ATL1: variants seen among roughly 807,000 people sequenced by gnomAD.
The protein encoded by ATL1 is atlastin GTPase 1.
ATL1 carries 31 observed loss-of-function variants against 75.5 expected under a neutral mutation model. That is an observed-to-expected ratio of 0.41 (90% CI 0.31 to 0.55). ATL1 has a LOEUF of 0.55. Ranked by LOEUF, ATL1 falls within the 20% of genes least tolerant of loss-of-function variation. ATL1 has a pLI of 0.27. For synonymous variants in ATL1, 226 were observed against 233.3 expected (o/e 0.97, Z 0.28); for missense variants, 405 against 662.6 (o/e 0.61, Z 4.27).
intron 2 of ATL1, among the ~76,000 whole-genome samples, chr14:50,589,164 T>C (rs1402520167): frequency 6.7e-6 from 1 of 148,584 alleles, no homozygotes; most frequent in Non-Finnish European, 1.5e-5. Flanking sequence ...TCTTTTTTTT[T>C]TTTTTTTTTT....
At chr14:50,553,080 A>G (rs532703108) in intron 1 of ATL1, among the ~76,000 whole-genome samples, 2 of 152,202 alleles carry the variant, frequency 1.3e-5, no homozygotes, top group South Asian at 4.1e-4. Flanking sequence ...AGATTACTTG[A>G]GGTCAGGAGT....
At chr14:50,558,348 G>T (rs1478660740), upstream of ATL1, among the ~76,000 whole-genome samples, 1 of 152,224 alleles carries the variant, frequency 6.6e-6, no homozygotes, top group African/African-American at 2.4e-5. Flanking sequence ...AACAGAGGGA[G>T]ACTGTGTCTG....
At chr14:50,611,692 G>C (rs2039367896) in intron 6 of ATL1, among the ~76,000 whole-genome samples, 1 of 152,134 alleles carries the variant, frequency 6.6e-6, no homozygotes, top group Admixed American at 6.6e-5. Flanking sequence ...TTAATCATCA[G>C]GGAAATGCAT....
In ATL1 at chr14:50,628,430, A is replaced by G. The variant is rs2140239435; in HGVS notation, c.1519A>G (p.Ile507Val). The change falls in exon 12 of 14, where the codon ATA (isoleucine) becomes GTA (valine). Residue 507 changes from isoleucine to valine, a missense_variant. Physicochemically the swap from Ile to Val is conservative, Grantham distance 29. Transcript: ENST00000358385. ...AGAATACCGAGAGCTGGGAGCTGTA[A>G]TAGACCAGGTGGCTGCAGCTCTGTG... ...SGEYRELGAVIDQVAAALWDQ... is the reference protein window; with the variant it reads ...SGEYRELGAVVDQVAAALWDQ... 1 of 1,614,116 alleles carries G rather than the reference A, an allele frequency of 6.2e-7. No individual in the cohort carries two copies.
intron 1 of ATL1, among the ~76,000 whole-genome samples, chr14:50,577,633 C>G (rs2039018069): frequency 1.3e-5 from 2 of 152,024 alleles, no homozygotes; most frequent in South Asian, 4.2e-4. Flanking sequence ...CCAAAAGAAA[C>G]CTTATATCTG....
At chr14:50,558,693 T>C (rs1436414417), upstream of ATL1, among the ~76,000 whole-genome samples, 1 of 152,216 alleles carries the variant, frequency 6.6e-6, no homozygotes, top group African/African-American at 2.4e-5. Flanking sequence ...ATGGGATTCA[T>C]ATGAAAGGGA....
At chr14:50,590,461 C>T (rs748616675) in intron 2 of ATL1, among the ~76,000 whole-genome samples, 1 of 151,580 alleles carries the variant, frequency 6.6e-6, no homozygotes, top group Non-Finnish European at 1.5e-5. Context: ...TTCCTTTCTG[C>T]CTGCCTGCCT....
chr14:50,624,140 T>G (rs2039494677), intron 11 of ATL1, among the ~76,000 whole-genome samples: 1 of 152,000 alleles, frequency 6.6e-6, no homozygotes, highest in African/African-American at 2.4e-5. Context: ...GTGGCATTAT[T>G]TATAAGGACA....
intron 6 of ATL1, among the ~76,000 whole-genome samples, chr14:50,610,332 G>T (rs2039354035): frequency 6.6e-6 from 1 of 151,980 alleles, no homozygotes; most frequent in South Asian, 2.1e-4. Context: ...CATGGAAAAA[G>T]ACAGATGAAT....
intron 1 of ATL1, among the ~76,000 whole-genome samples, chr14:50,543,821 C>T (rs1315399189): frequency 6.6e-6 from 1 of 152,096 alleles, no homozygotes; most frequent in Non-Finnish European, 1.5e-5. Flanking sequence ...ACAACTTTGT[C>T]TCTATTATAT....
At chr14:50,568,765 G>A (rs370026796) in intron 1 of ATL1, among the ~76,000 whole-genome samples, 47 of 151,874 alleles carry the variant, frequency 3.1e-4, no homozygotes, top group African/African-American at 5.6e-4. Context: ...GCATTACTGC[G>A]CATTACTCTC....
intron 1 of ATL1, among the ~76,000 whole-genome samples, chr14:50,547,023 C>G (rs190882592): frequency 6.6e-6 from 1 of 152,054 alleles, no homozygotes; most frequent in African/African-American, 2.4e-5. Flanking sequence ...GTGTTTCTCA[C>G]TCATAAGTGG....
chr14:50,538,089 G>C (rs973654018), intron 1 of ATL1, among the ~76,000 whole-genome samples: 1 of 152,198 alleles, frequency 6.6e-6, no homozygotes, highest in Admixed American at 6.5e-5. Context: ...CCACGTGAGA[G>C]AGGGACCTGG....
At chr14:50,569,614 G>T (rs2038936926) in intron 1 of ATL1, among the ~76,000 whole-genome samples, 1 of 151,984 alleles carries the variant, frequency 6.6e-6, no homozygotes, top group African/African-American at 2.4e-5. Flanking sequence ...TTTAATGATT[G>T]CCCATGTATT....
At chr14:50,537,767 GC>G (rs1273272554) in intron 1 of ATL1, among the ~76,000 whole-genome samples, 1 of 152,232 alleles carries the variant, frequency 6.6e-6, no homozygotes, top group Non-Finnish European at 1.5e-5. Flanking sequence ...GGGGCCTGTA[GC>G]CCCTTTGTTT....
chr14:50,558,427 T>C (rs2038791670), upstream of ATL1, among the ~76,000 whole-genome samples: 1 of 152,204 alleles, frequency 6.6e-6, no homozygotes, highest in South Asian at 2.1e-4. Flanking sequence ...TGAAATTGAT[T>C]CAGGCAAGGA....
At chr14:50,578,464 C>T (rs1223354691) in intron 1 of ATL1, among the ~76,000 whole-genome samples, 2 of 152,156 alleles carry the variant, frequency 1.3e-5, no homozygotes, top group Non-Finnish European at 2.9e-5. Context: ...ATAATATCCA[C>T]TCTGTTCCAA....
chr14:50,560,900 G>T, intron 1 of ATL1: 1 of 153,752 alleles, frequency 6.5e-6, no homozygotes, highest in South Asian at 2.0e-4. Context: ...GAGCACTGCA[G>T]TACTCCTCTT....
intron 6 of ATL1, among the ~76,000 whole-genome samples, chr14:50,612,312 T>C (rs2140225071): frequency 6.6e-6 from 1 of 152,240 alleles, no homozygotes; most frequent in Middle Eastern, 3.4e-3. Context: ...ATTCTCTGTT[T>C]CTTGATCTAG....
Sources: allele counts gnomAD v4.1 joint callset (sites outside exome capture counted in the v4.1 genomes callset), GRCh38; gene constraint gnomAD v4.1.1; transcripts MANE v1.5; gene names NCBI Gene and HGNC (gene_info 2026-07-23, HGNC 2026-07-21).